OXR1: variants seen among roughly 807,000 people sequenced by gnomAD.
The protein encoded by OXR1 is oxidation resistance 1, also known as oxidation resistance protein 1.
Under a neutral mutation model 104.6 loss-of-function variants are expected in OXR1, and 41 were observed. That is an observed-to-expected ratio of 0.39 (90% CI 0.31 to 0.51). The LOEUF is 0.51. OXR1 is among the 20% of genes least tolerant of loss of function. The pLI is 0.77. For synonymous variants in OXR1, 348 were observed against 348.4 expected (o/e 1.00, Z 0.01); for missense variants, 955 against 1,031.9 (o/e 0.93, Z 1.02).
chr8:106,678,155 G>A (rs1001600107), intron 3 of OXR1, among the ~76,000 whole-genome samples: 2 of 151,924 alleles, frequency 1.3e-5, no homozygotes, highest in African/African-American at 4.8e-5. Context: ...GCATTGCAGA[G>A]GTAATTGTCC....
rs60404483 is a variant in OXR1, at chr8:106,671,044, C to CAAAAAAAAAAAAAAAAAAAAAAAA, written c.221-8147_221-8146insAAAAAAAAAAAAAAAAAAAAAAAA. Among the ~76,000 whole-genome samples, 58 of 48,884 alleles carry CAAAAAAAAAAAAAAAAAAAAAAAA rather than the reference C, an allele frequency of 1.2e-3. 3 individuals are homozygous for CAAAAAAAAAAAAAAAAAAAAAAAA. Among genetic ancestry groups the CAAAAAAAAAAAAAAAAAAAAAAAA allele is most frequent in the African/African-American group, 2.1e-3 (17 of 8,138 alleles). 32.1% of individuals were successfully genotyped at this position (48,884 alleles called of 152,430 possible). ...TGGGTGACAGAGTGAGACTCTGTCT[C>CAAAAAAAAAAAAAAAAAAAAAAAA]AAAAAAAAAAAAAAAAAAAGAATGG... On this transcript the variant is annotated intron_variant, in intron 3 of 16. Coordinates refer to ENST00000517566, the MANE Select transcript of OXR1 (RefSeq NM_001198533.2).
chr8:106,336,211 A>G (rs1814957236), intron 1 of OXR1, among the ~76,000 whole-genome samples: 2 of 152,252 alleles, frequency 1.3e-5, no homozygotes, highest in Admixed American at 1.3e-4. Flanking sequence ...TAAAAGGATC[A>G]CAGTTTCTCC....
chr8:106,700,541 C>T (rs1830494659), intron 7 of OXR1, among the ~76,000 whole-genome samples: 1 of 152,278 alleles, frequency 6.6e-6, no homozygotes, highest in East Asian at 1.9e-4. Flanking sequence ...TGGAAAGTAA[C>T]ATTAGCAGAT....
At chr8:106,618,104 C>A in intron 3 of OXR1, 1 of 1,535,788 alleles carries the variant, frequency 6.5e-7, no homozygotes, top group South Asian at 1.2e-5. Context: ...AAATTCCTGT[C>A]TCCTCTTCTT....
intron 2 of OXR1, among the ~76,000 whole-genome samples, chr8:106,454,737 C>T (rs1373172151): frequency 1.3e-5 from 2 of 152,048 alleles, no homozygotes; most frequent in African/African-American, 4.8e-5. Context: ...CATACTCTTC[C>T]AGTTTCCTCT....
intron 7 of OXR1, among the ~76,000 whole-genome samples, chr8:106,699,451 A>G (rs990284616): frequency 6.6e-6 from 1 of 152,192 alleles, no homozygotes; most frequent in Admixed American, 6.5e-5. Flanking sequence ...ATGCTTCGGT[A>G]ATCAAAGAGC....
intron 2 of OXR1, among the ~76,000 whole-genome samples, chr8:106,362,227 T>C (rs750899239): frequency 6.6e-6 from 1 of 152,224 alleles, no homozygotes; most frequent in Non-Finnish European, 1.5e-5. Flanking sequence ...TCCTGCAATC[T>C]GTGAACAGTG....
At chr8:106,740,621 C>T (rs748184145) in intron 14 of OXR1, 126 bp downstream of exon 14, 3 of 751,730 alleles carry the variant, frequency 4.0e-6, no homozygotes, top group Non-Finnish European at 6.6e-6. Context: ...TTACTGGGTA[C>T]TTTTAATATG....
At chr8:106,471,269 A>G (rs140073200) in intron 2 of OXR1, among the ~76,000 whole-genome samples, 1 of 151,822 alleles carries the variant, frequency 6.6e-6, no homozygotes, top group Non-Finnish European at 1.5e-5. Flanking sequence ...ACATAAGTAG[A>G]CGATTAATAA....
intron 7 of OXR1, chr8:106,697,458 A>G: frequency 6.3e-7 from 1 of 1,579,652 alleles, no homozygotes; most frequent in Non-Finnish European, 8.7e-7. Context: ...GTAGCCAGTC[A>G]TGCCTGCCTG....
chr8:106,739,272 A>G (rs1295267105), intron 12 of OXR1, among the ~76,000 whole-genome samples, 186 bp from the exon 13 acceptor site: 2 of 152,152 alleles, frequency 1.3e-5, no homozygotes, highest in African/African-American at 2.4e-5. Context: ...TTGTTATAAA[A>G]TCTTTTCCTA....
Position 106,742,258 on chromosome 8 carries a change from AGT to A in OXR1, c.2355_2356del (p.Ser785ArgfsTer19). 1 of 1,611,874 alleles carries A rather than the reference AGT, an allele frequency of 6.2e-7. No homozygotes were observed. The highest frequency in any genetic ancestry group is 8.5e-7 in the Non-Finnish European group (1 of 1,178,246). On this transcript the variant is annotated frameshift_variant, in exon 15 of 17. Coordinates refer to ENST00000517566, the MANE Select transcript of OXR1 (RefSeq NM_001198533.2). LOFTEE classifies it high-confidence loss of function. The stretch of plus-strand genomic sequence containing the variant: ...GTTAGCATCTGAGCCACTGAAAGTG[AGT>A]GATGGCTTTTATGGTACTGGAGAGA... The part of the protein sequence containing the change: ...GALASEPLKV[S>X]DGFYGTGETF...
chr8:106,607,413 A>C (rs1452013521), intron 3 of OXR1, among the ~76,000 whole-genome samples: 3 of 152,238 alleles, frequency 2.0e-5, no homozygotes, highest in Non-Finnish European at 4.4e-5. Context: ...ATTTGGAGTC[A>C]ATAGCCCTCT....
intron 3 of OXR1, among the ~76,000 whole-genome samples, chr8:106,631,404 TATGG>T (rs1822673591): frequency 6.6e-6 from 1 of 152,248 alleles, no homozygotes; most frequent in Non-Finnish European, 1.5e-5. Flanking sequence ...TTTACATGCA[TATGG>T]ATGGAACACA....
intron 2 of OXR1, among the ~76,000 whole-genome samples, chr8:106,515,749 A>G (rs1440501879): frequency 6.6e-6 from 1 of 152,164 alleles, no homozygotes; most frequent in African/African-American, 2.4e-5. Flanking sequence ...AAAACACCTA[A>G]GATAAGAATG....
intron 2 of OXR1, among the ~76,000 whole-genome samples, chr8:106,366,256 A>G (rs909152785): frequency 8.5e-5 from 13 of 152,222 alleles, no homozygotes; most frequent in Non-Finnish European, 1.6e-4. Flanking sequence ...TCATTCTCAA[A>G]TGAACCATAA....
chr8:106,737,596 TC>T lies in OXR1; in HGVS notation c.2035del (p.Gln679ArgfsTer8). ...TEELRTLCRR[L>X]QITTREDINS... The stretch of plus-strand genomic sequence containing the variant: ...GAACTGCGCACACTCTGCAGACGCC[TC>T]CAGGTGCCCCCTTCAGTAGTTTAAA... On this transcript the variant is annotated frameshift_variant, in exon 12 of 17. Transcript: ENST00000517566. LOFTEE classifies it high-confidence loss of function. The T allele has an allele frequency of 7.2e-7, 1 of 1,386,348 alleles. No homozygotes were observed. The highest frequency in any genetic ancestry group is 9.5e-7 in the Non-Finnish European group (1 of 1,056,226). 85.9% of individuals were successfully genotyped at this position (1,386,348 alleles called of 1,614,324 possible).
Position 106,446,390 on chromosome 8 carries a change from C to T in OXR1, c.24-72553C>T, listed in dbSNP as rs377446014. Among the ~76,000 whole-genome samples the T allele has an allele frequency of 4.6e-5, 7 of 152,190 alleles. No individual in the cohort carries two copies. In the East Asian group the frequency reaches 1.2e-3, roughly 25 times the overall value. On this transcript the variant is annotated intron_variant, in intron 2 of 16. Transcript: ENST00000517566. Reference sequence around the variant, plus strand: ...ATCCCAGCACTTTGGGAGGCTGAGGCGAGCAGATCACAAGGTCAGGAGTCC... The same window carrying T: ...ATCCCAGCACTTTGGGAGGCTGAGGTGAGCAGATCACAAGGTCAGGAGTCC...
chr8:106,677,637 T>G (rs532260277), intron 3 of OXR1, among the ~76,000 whole-genome samples: 5 of 152,256 alleles, frequency 3.3e-5, no homozygotes, highest in Admixed American at 1.3e-4. Context: ...TTTTACATCC[T>G]CTTGTGAATT....
Sources: gnomAD v4.1 joint callset for allele counts (sites outside exome capture counted in the v4.1 genomes callset) on GRCh38, gnomAD v4.1.1 for gene constraint, MANE v1.5 for transcripts, NCBI Gene and HGNC (gene_info 2026-07-23, HGNC 2026-07-21) for gene names.